POLA2: variants seen among roughly 807,000 people sequenced by gnomAD.
POLA2 encodes the protein DNA polymerase alpha 2, accessory subunit, also known as DNA polymerase alpha subunit B.
In POLA2, 47 loss-of-function variants were observed where a neutral mutation model predicts 82.8. The observed-to-expected ratio is 0.57, with a 90% confidence interval of 0.45 to 0.72. POLA2 has a LOEUF of 0.72. POLA2 is among the 30% of genes least tolerant of loss of function. The pLI, the probability that POLA2 is intolerant of heterozygous loss-of-function variation, is 0.00. For synonymous variants in POLA2, 287 were observed against 286.8 expected, an observed-to-expected ratio of 1.00 and a Z score of -0.01; for missense variants, 634 against 728.1, an observed-to-expected ratio of 0.87 and a Z score of 1.49.
At chr11:65,300,870 C>T (rs893109465), downstream of POLA2, among the ~76,000 whole-genome samples, 2 of 152,282 alleles carry the variant, frequency 1.3e-5, no homozygotes, top group Admixed American at 1.3e-4. Flanking sequence ...GCGTAAGCCA[C>T]TGCACCCGGC....
chr11:65,297,475 T>C lies in POLA2; in HGVS notation c.*206T>C. ...AGTGGTGCCTCTCCTGGAAGGAAGCTCTTGCTTCTCAGTCCATGCTCCGTG... is the reference window on the plus strand; with the variant it reads ...AGTGGTGCCTCTCCTGGAAGGAAGCCCTTGCTTCTCAGTCCATGCTCCGTG... On this transcript the variant is annotated 3_prime_UTR_variant, in exon 18 of 18. Coordinates refer to ENST00000265465, the MANE Select transcript of POLA2 (RefSeq NM_002689.4). 2.1e-6 allele frequency: 1 copy of C among 474,922 alleles called. No homozygotes were observed. The highest frequency in any genetic ancestry group is 5.6e-4 in the Middle Eastern group (1 of 1,778). 29.4% of individuals were successfully genotyped at this position (474,922 alleles called of 1,614,324 possible).
intron 6 of POLA2, 88 bp downstream of exon 6, chr11:65,279,011 C>A: frequency 2.5e-6 from 3 of 1,202,662 alleles, no homozygotes; most frequent in Non-Finnish European, 2.3e-6. Context: ...GCTGGTAGAA[C>A]AAGTTCCAAG....
At chr11:65,300,458 T>G (rs1949853689), downstream of POLA2, among the ~76,000 whole-genome samples, 1 of 149,706 alleles carries the variant, frequency 6.7e-6, no homozygotes, top group South Asian at 2.1e-4. Flanking sequence ...TAGCTGAGAT[T>G]ACAGGTGTGT....
intron 4 of POLA2, among the ~76,000 whole-genome samples, chr11:65,269,063 G>A (rs1949493503): frequency 6.6e-6 from 1 of 152,176 alleles, no homozygotes; most frequent in Admixed American, 6.5e-5. Context: ...GTCAAGTAGG[G>A]TAGTGGAAAA....
Position 65,272,096 on chromosome 11 carries a change from G to T in POLA2, c.354+3367G>T, listed in dbSNP as rs1166710394. Among the ~76,000 whole-genome samples, 4 of 152,078 alleles carry T rather than the reference G, an allele frequency of 2.6e-5. No individual in the cohort carries two copies. The East Asian group carries it at 7.7e-4, about 29-fold the overall frequency. ...AGGCCGAGGTGGGAGGATCACTGGA[G>T]GTCAGGGGTTCGAGACCAGTCTGGC... On this transcript the variant is annotated intron_variant, in intron 4 of 17. Transcript: ENST00000265465.
chr11:65,283,614 C>T (rs1377692380), intron 10 of POLA2, among the ~76,000 whole-genome samples: 2 of 152,004 alleles, frequency 1.3e-5, no homozygotes, highest in East Asian at 1.9e-4. Flanking sequence ...GGATTACAGG[C>T]GTACACCACA....
downstream of POLA2, among the ~76,000 whole-genome samples, chr11:65,299,521 A>G (rs569535209): frequency 2.1e-4 from 32 of 152,302 alleles, 1 homozygote; most frequent in Middle Eastern, 6.8e-3. Flanking sequence ...CTCGAGGGGC[A>G]CCCAAGGTTG....
intron 13 of POLA2, among the ~76,000 whole-genome samples, chr11:65,290,499 G>A (rs1051327309): frequency 6.6e-6 from 1 of 152,074 alleles, no homozygotes; most frequent in African/African-American, 2.4e-5. Context: ...CCACACCATT[G>A]CACTCCAGCC....
intron 13 of POLA2, among the ~76,000 whole-genome samples, chr11:65,292,447 GC>G (rs1949765557): frequency 6.6e-6 from 1 of 152,104 alleles, no homozygotes; most frequent in Non-Finnish European, 1.5e-5. Flanking sequence ...CTTAACTATT[GC>G]CCTTCCAAAG....
intron 5 of POLA2, 34 bp downstream of exon 5, chr11:65,276,032 C>A: frequency 1.6e-6 from 2 of 1,228,870 alleles, no homozygotes; most frequent in Non-Finnish European, 1.2e-6. Context: ...TGCCATAAAG[C>A]TGGCCTCCCC....
At chr11:65,289,026 G>A (rs755020563) in intron 11 of POLA2, 24 bp from the exon 12 acceptor site, 3 of 1,610,464 alleles carry the variant, frequency 1.9e-6, no homozygotes, top group Middle Eastern at 1.7e-4. Flanking sequence ...TGTTCTTTTG[G>A]TGTCTTTGTT....
intron 10 of POLA2, among the ~76,000 whole-genome samples, chr11:65,285,039 G>A (rs1026330185): frequency 2.6e-5 from 4 of 152,102 alleles, no homozygotes; most frequent in African/African-American, 4.8e-5. Flanking sequence ...TCATGCTGGC[G>A]CAGGAGGATT....
chr11:65,271,741 A>G (rs907701629), intron 4 of POLA2, among the ~76,000 whole-genome samples: 15 of 150,724 alleles, frequency 1.0e-4, no homozygotes, highest in African/African-American at 3.7e-4. Context: ...CAGGAGGCTG[A>G]GGCAGGAGAA....
At chr11:65,268,033 TC>T (rs1445364809) in intron 3 of POLA2, among the ~76,000 whole-genome samples, 1 of 151,928 alleles carries the variant, frequency 6.6e-6, no homozygotes, top group Non-Finnish European at 1.5e-5. Context: ...CCTCAGGTGA[TC>T]CGCCTGCCTA....
intron 14 of POLA2, 97 bp from the exon 15 acceptor site, chr11:65,294,449 C>T: frequency 9.0e-7 from 1 of 1,106,624 alleles, no homozygotes; most frequent in South Asian, 1.4e-5. Context: ...GTCCCCCTTT[C>T]CGTGGTCTCC....
chr11:65,281,849 C>A, intron 9 of POLA2, 117 bp downstream of exon 9: 1 of 840,578 alleles, frequency 1.2e-6, no homozygotes. Context: ...AGTCAGTTCT[C>A]CATCTGTAAG....
At chr11:65,301,573 A>G (rs548899694), downstream of POLA2, among the ~76,000 whole-genome samples, 101 of 152,248 alleles carry the variant, frequency 6.6e-4, no homozygotes, top group Non-Finnish European at 1.1e-3. Context: ...CACTGCAGTC[A>G]AAAGCCACAG....
Position 65,271,879 on chromosome 11 carries a change from C to T in POLA2, c.354+3150C>T, listed in dbSNP as rs145695688. ...AAAAAGTTTGTGACTGTGAATTCCA[C>T]GCTAAATGAGTTGGAGTGAAATGTT... is the stretch of plus-strand genomic sequence containing the variant. On this transcript the variant is annotated intron_variant, in intron 4 of 17. Transcript: ENST00000265465. Among the ~76,000 whole-genome samples, 1,031 of 151,274 alleles carry T rather than the reference C, an allele frequency of 6.8e-3. 6 individuals are homozygous for T. Among genetic ancestry groups the T allele is most frequent in the Non-Finnish European group, 0.011 (727 of 67,874 alleles).
chr11:65,266,729 C>T (rs368009066), intron 2 of POLA2, 23 bp downstream of exon 2: 1 of 1,613,026 alleles, frequency 6.2e-7, no homozygotes, highest in Non-Finnish European at 8.5e-7. Context: ...TGAAAGCAAA[C>T]TAATAATGTG....
Sources: allele counts gnomAD v4.1 joint callset (sites outside exome capture counted in the v4.1 genomes callset), GRCh38; gene constraint gnomAD v4.1.1; transcripts MANE v1.5; gene names NCBI Gene and HGNC (gene_info 2026-07-23, HGNC 2026-07-21).